Variants in ARHGAP24 observed in about 807,000 individuals in gnomAD.
The protein encoded by ARHGAP24 is rho GTPase-activating protein 24.
In ARHGAP24, 50 loss-of-function variants were observed where a neutral mutation model predicts 76.4. That is an observed-to-expected ratio of 0.65 (90% confidence interval 0.52 to 0.83). ARHGAP24 has a LOEUF of 0.83. ARHGAP24 is among the 40% of genes least tolerant of loss of function. The pLI is 0.00. For synonymous variants in ARHGAP24, 345 were observed against 323.3 expected (o/e 1.07, Z -0.72); for missense variants, 930 against 914.2 (o/e 1.02, Z -0.22).
At position 85,753,928 on chromosome 4, in the gene ARHGAP24, A is replaced by G. The variant is rs986206813; in HGVS notation, c.268+31956A>G. 2.6e-5 allele frequency among the ~76,000 whole-genome samples: 4 copies of G among 152,292 alleles called. No individual in the cohort carries two copies. The East Asian group carries it at 5.8e-4, about 22-fold the overall frequency. On this transcript the variant is annotated intron_variant, in intron 3 of 9. Coordinates refer to ENST00000395184, the MANE Select transcript of ARHGAP24 (RefSeq NM_001025616.3). Reference sequence around the variant, plus strand: ...GGAAACATTACAATTATTCTGTTCTAGCTATTTTGTAATATACAATAATAT... The same window carrying G: ...GGAAACATTACAATTATTCTGTTCTGGCTATTTTGTAATATACAATAATAT...
At chr4:85,790,794 T>G (rs1474686124) in intron 3 of ARHGAP24, among the ~76,000 whole-genome samples, 1 of 152,220 alleles carries the variant, frequency 6.6e-6, no homozygotes, top group Non-Finnish European at 1.5e-5. Context: ...TTTCCATGGC[T>G]ACAGTATATG....
intron 2 of ARHGAP24, among the ~76,000 whole-genome samples, chr4:85,715,861 G>A (rs1453773998): frequency 6.6e-5 from 10 of 151,840 alleles, no homozygotes; most frequent in Non-Finnish European, 1.3e-4. Context: ...CCTCAGACTT[G>A]CTACATGTTG....
At chr4:85,787,416 G>T (rs17399388) in intron 3 of ARHGAP24, among the ~76,000 whole-genome samples, 39,435 of 152,074 alleles carry the variant, frequency 0.26, 5,399 homozygotes, top group African/African-American at 0.3. Flanking sequence ...GCTGACATTT[G>T]AGAGATATTT....
chr4:85,779,931 A>G (rs766500418), intron 3 of ARHGAP24, among the ~76,000 whole-genome samples: 5 of 152,206 alleles, frequency 3.3e-5, no homozygotes, highest in Non-Finnish European at 5.9e-5. Context: ...TTTACCACTG[A>G]AAACTTGAAA....
At chr4:85,881,969 A>G (rs1387130446) in intron 3 of ARHGAP24, among the ~76,000 whole-genome samples, 1 of 152,236 alleles carries the variant, frequency 6.6e-6, no homozygotes, top group African/African-American at 2.4e-5. Context: ...GAATTTTTAT[A>G]TTCCGTAGTC....
At chr4:85,523,645 C>T (rs1260203322) in intron 1 of ARHGAP24, among the ~76,000 whole-genome samples, 1 of 152,066 alleles carries the variant, frequency 6.6e-6, no homozygotes, top group Non-Finnish European at 1.5e-5. Flanking sequence ...TTAGTGGAGT[C>T]ACAAATTGCT....
At chr4:85,890,636 T>C (rs1365279313) in intron 3 of ARHGAP24, among the ~76,000 whole-genome samples, 1 of 152,118 alleles carries the variant, frequency 6.6e-6, no homozygotes, top group African/African-American at 2.4e-5. Flanking sequence ...GGAAGTAAAA[T>C]CACGTTCAGG....
intron 3 of ARHGAP24, among the ~76,000 whole-genome samples, chr4:85,723,900 A>G (rs1008083640): frequency 1.3e-5 from 2 of 152,184 alleles, no homozygotes; most frequent in Non-Finnish European, 2.9e-5. Context: ...GGTTATTTTC[A>G]TCAATATTTG....
rs1171762950 is a variant in ARHGAP24, at chr4:85,875,548, T to G, written c.269-48100T>G. Among the ~76,000 whole-genome samples the G allele has an allele frequency of 2.4e-5, 2 of 84,426 alleles. 1 individual carries two copies. The highest frequency in any genetic ancestry group is 1.0e-3 in the East Asian group (2 of 1,996). The allele number at this position is 84,426 out of a possible 152,430, so 55.4% of individuals were successfully genotyped here. On this transcript the variant is annotated intron_variant, in intron 3 of 9. Transcript: ENST00000395184. Reference sequence around the variant, plus strand: ...GTATATAATATATATTATTTATATTTTATATTATATTTTTATATTATATAA... The same window carrying G: ...GTATATAATATATATTATTTATATTGTATATTATATTTTTATATTATATAA...
intron 3 of ARHGAP24, among the ~76,000 whole-genome samples, chr4:85,803,969 C>T (rs189466426): frequency 8.7e-5 from 12 of 138,098 alleles, no homozygotes; most frequent in African/African-American, 1.4e-4. Flanking sequence ...TTTTTTTCCT[C>T]GAGATGAAGT....
intron 2 of ARHGAP24, among the ~76,000 whole-genome samples, chr4:85,635,653 G>T (rs868831801): frequency 2.9e-4 from 44 of 151,792 alleles, no homozygotes; most frequent in African/African-American, 1.0e-3. Flanking sequence ...ATCCCAGAAA[G>T]AATCCAGAGC....
chr4:85,999,076 C>T (rs1422782625), intron 9 of ARHGAP24, among the ~76,000 whole-genome samples: 2 of 152,156 alleles, frequency 1.3e-5, no homozygotes, highest in African/African-American at 2.4e-5. Context: ...GGGATTTCTT[C>T]TGTATTCAAC....
chr4:85,701,878 CT>C (rs895860912), intron 2 of ARHGAP24, among the ~76,000 whole-genome samples: 11 of 152,064 alleles, frequency 7.2e-5, no homozygotes, highest in Non-Finnish European at 1.5e-4. Context: ...AATAAAAATT[CT>C]TTTTTGAATG....
intron 3 of ARHGAP24, among the ~76,000 whole-genome samples, chr4:85,754,914 G>A (rs542826042): frequency 8.5e-5 from 13 of 152,262 alleles, no homozygotes; most frequent in African/African-American, 2.9e-4. Context: ...TTTCTGTCCT[G>A]TCTACCTCCC....
At chr4:85,515,716 A>G (rs539665837) in intron 1 of ARHGAP24, among the ~76,000 whole-genome samples, 5 of 151,972 alleles carry the variant, frequency 3.3e-5, no homozygotes, top group South Asian at 2.1e-4. Flanking sequence ...TGCTATTTTC[A>G]TCTATTACTA....
intron 2 of ARHGAP24, among the ~76,000 whole-genome samples, chr4:85,576,029 A>G (rs771851569): frequency 6.6e-6 from 1 of 152,354 alleles, no homozygotes; most frequent in African/African-American, 2.4e-5. Context: ...AGATGACACT[A>G]TATTAGATCA....
chr4:85,945,417 G>A (rs1448896049), intron 5 of ARHGAP24, among the ~76,000 whole-genome samples: 1 of 151,490 alleles, frequency 6.6e-6, no homozygotes. Context: ...AATAAATAGT[G>A]CAACGAGTGT....
chr4:85,753,945 CA>C, intron 3 of ARHGAP24, among the ~76,000 whole-genome samples: 1 of 152,210 alleles, frequency 6.6e-6, no homozygotes, highest in African/African-American at 2.4e-5. Context: ...TTGTAATATA[CA>C]ATAATATACA....
At chr4:85,765,337 A>G (rs1226941790) in intron 3 of ARHGAP24, among the ~76,000 whole-genome samples, 2 of 152,090 alleles carry the variant, frequency 1.3e-5, no homozygotes, top group Non-Finnish European at 2.9e-5. Context: ...TTTTTGTTTT[A>G]ACTGATTCAT....
Sources: allele counts gnomAD v4.1 joint callset (sites outside exome capture counted in the v4.1 genomes callset), GRCh38; gene constraint gnomAD v4.1.1; transcripts MANE v1.5; gene names NCBI Gene and HGNC (gene_info 2026-07-23, HGNC 2026-07-21).